TCF7: variants seen among roughly 807,000 people sequenced by gnomAD.
TCF7 encodes the protein transcription factor 7.
TCF7 carries 19 observed loss-of-function variants against 46.8 expected under a neutral mutation model. That is an observed-to-expected ratio of 0.41 (90% CI 0.28 to 0.60). The LOEUF (loss-of-function observed/expected upper bound fraction) is 0.60. Ranked by LOEUF, TCF7 falls within the 20% of genes least tolerant of loss-of-function variation. The pLI is 0.35. For missense variants in TCF7, 547 were observed against 504.6 expected (o/e 1.08, Z -0.81); for synonymous variants, 245 against 213.4 (o/e 1.15, Z -1.29).
intron 8 of TCF7, 161 bp downstream of exon 8, chr5:134,143,261 G>A: frequency 1.3e-6 from 1 of 784,498 alleles, no homozygotes; most frequent in Non-Finnish European, 2.2e-6. Flanking sequence ...CTCAGAAGAG[G>A]ACAAGCCCAC....
chr5:134,116,075 C>T (rs1309346555), intron 3 of TCF7, 42 bp downstream of exon 3: 5 of 1,580,502 alleles, frequency 3.2e-6, no homozygotes, highest in Non-Finnish European at 4.3e-6. Context: ...TGCTTGCAGC[C>T]TCCTTGACCA....
At chr5:134,118,817 T>A (rs1561651420) in intron 3 of TCF7, among the ~76,000 whole-genome samples, 1 of 152,214 alleles carries the variant, frequency 6.6e-6, no homozygotes, top group Admixed American at 6.5e-5. Context: ...GGTCTCACTC[T>A]GTTGCCCAGG....
At chr5:134,129,289 T>TC (rs1757784971) in intron 3 of TCF7, among the ~76,000 whole-genome samples, 3 of 152,178 alleles carry the variant, frequency 2.0e-5, no homozygotes, top group Admixed American at 2.0e-4. Flanking sequence ...CCTGGTATTT[T>TC]CCTGCCTTTT....
At chr5:134,133,303 G>A (rs1165271970) in intron 3 of TCF7, among the ~76,000 whole-genome samples, 11 of 152,230 alleles carry the variant, frequency 7.2e-5, no homozygotes, top group Admixed American at 5.2e-4. Context: ...GCCCTCAGAG[G>A]ATGAGGGCAA....
chr5:134,145,778 A>G (rs1324605409), intron 9 of TCF7: 2 of 1,613,960 alleles, frequency 1.2e-6, no homozygotes, highest in Non-Finnish European at 1.7e-6. Flanking sequence ...ATGGTAATGG[A>G]CAAGAGTCAC....
Position 134,115,439 on chromosome 5 carries a change from C to T in TCF7, c.316+52C>T, listed in dbSNP as rs768106929. On this transcript the variant is annotated intron_variant, in intron 2 of 9. Coordinates refer to ENST00000342854, the MANE Select transcript of TCF7 (RefSeq NM_003202.5). Reference sequence around the variant, plus strand: ...CTTCGTCGCGCTCAGGCCCTGGCCTCGGTGGGACGGGGACGCCAAGGACCG... The same window carrying T: ...CTTCGTCGCGCTCAGGCCCTGGCCTTGGTGGGACGGGGACGCCAAGGACCG... 2.6e-5 allele frequency: 41 copies of T among 1,551,604 alleles called. No individual in the cohort carries two copies. In the South Asian group the frequency reaches 4.0e-4, roughly 15 times the overall value.
chr5:134,114,935 G>C lies in TCF7; in HGVS notation c.29G>C (p.Gly10Ala). 2 of 1,092,218 alleles carry C rather than the reference G, an allele frequency of 1.8e-6. No individual in the cohort carries two copies. Among genetic ancestry groups the C allele is most frequent in the Non-Finnish European group, 2.3e-6 (2 of 888,254 alleles). 67.7% of individuals were successfully genotyped at this position (1,092,218 alleles called of 1,614,324 possible). A position where few individuals can be genotyped will look rare whatever the true frequency, so the allele number is the denominator to read the frequency against. ...CCGCAGCTGGACTCCGGCGGGGGCG[G>C]CGCGGGCGGCGGCGACGACCTCGGC... MPQLDSGGG[G>A]AGGGDDLGAP... is the part of the protein sequence containing the mutation. Residue 10 changes from glycine (G) to alanine (A), a missense_variant, in exon 1 of 10, where the codon GGC becomes GCC. Physicochemically the swap from Gly to Ala is moderately conservative, Grantham distance 60. Transcript: ENST00000342854.
chr5:134,109,106 C>G, the TCF7 span, among the ~76,000 whole-genome samples: 1 of 143,346 alleles, frequency 7.0e-6, no homozygotes, highest in Non-Finnish European at 1.5e-5. Context: ...TTCCTGGATT[C>G]TAAGTGATCA....
Position 134,146,215 on chromosome 5 carries a change from T to C in TCF7, c.1076-9T>C. On this transcript the variant is annotated splice_polypyrimidine_tract_variant and intron_variant, in intron 9 of 9. Coordinates refer to ENST00000342854, the MANE Select transcript of TCF7 (RefSeq NM_003202.5). ...TCTGTTTACAGATAACTCTCTTCAC[T>C]ATTCCTAGGAGGAAAAAGAAATGCA... 6.2e-7 allele frequency: 1 copy of C among 1,614,194 alleles called. No homozygotes were observed.
At chr5:134,124,804 G>C (rs905127605) in intron 3 of TCF7, among the ~76,000 whole-genome samples, 1 of 152,222 alleles carries the variant, frequency 6.6e-6, no homozygotes, top group Non-Finnish European at 1.5e-5. Flanking sequence ...CGTGGCCCCA[G>C]GGAACAGTGG....
rs778668600 is a variant in TCF7 at position 134,146,569 on chromosome 5, G to T, written c.*266G>T. On this transcript the variant is annotated 3_prime_UTR_variant, in exon 10 of 10. Transcript: ENST00000342854. ...CTCCAGGAGCCTACCCCCTGAAAGT[G>T]ACAGAGACCCAGATCTCATGGAAAC... 15 of 707,070 alleles carry T rather than the reference G, an allele frequency of 2.1e-5. No individual in the cohort carries two copies. Among genetic ancestry groups the T allele is most frequent in the Non-Finnish European group, 3.4e-5 (13 of 382,526 alleles). The allele number at this position is 707,070 out of a possible 1,614,324, so 43.8% of individuals were successfully genotyped here. A position where few individuals can be genotyped will look rare whatever the true frequency, so the allele number is the denominator to read the frequency against.
chr5:134,122,979 TG>T (rs764305497), intron 3 of TCF7, among the ~76,000 whole-genome samples: 13 of 152,206 alleles, frequency 8.5e-5, no homozygotes, highest in Non-Finnish European at 1.2e-4. Context: ...ATTCTTTGGC[TG>T]GGTGGCCCTG....
rs1007642113 is a variant in TCF7, at chr5:134,115,690, G to T, written c.317-219G>T. 18 of 1,429,978 alleles carry T rather than the reference G, an allele frequency of 1.3e-5. No individual in the cohort carries two copies. In the South Asian group the frequency reaches 2.7e-4, roughly 21 times the overall value. 88.6% of individuals were successfully genotyped at this position (1,429,978 alleles called of 1,614,324 possible). On this transcript the variant is annotated intron_variant, in intron 2 of 9. Coordinates refer to ENST00000342854, the MANE Select transcript of TCF7 (RefSeq NM_003202.5). ...ATTGGCCAAGGTTTCTTGGTTGGAG[G>T]GCGGGGGGTGGGAGGTCAAGTAGGG...
chr5:134,122,465 A>G (rs1189782894), intron 3 of TCF7, among the ~76,000 whole-genome samples: 1 of 152,128 alleles, frequency 6.6e-6, no homozygotes, highest in African/African-American at 2.4e-5. Context: ...AGCTACTCTG[A>G]GACTCAAGTG....
chr5:134,144,605 T>TA (rs1760396498), intron 9 of TCF7: 3 of 583,616 alleles, frequency 5.1e-6, no homozygotes, highest in Non-Finnish European at 9.3e-6. Flanking sequence ...CCTTTCCTGA[T>TA]ATCTTGGCTC....
At chr5:134,130,729 C>CT (rs1758001077) in intron 3 of TCF7, among the ~76,000 whole-genome samples, 1 of 152,174 alleles carries the variant, frequency 6.6e-6, no homozygotes. Flanking sequence ...TCCCACCTTC[C>CT]TAACCTGTAT....
At chr5:134,142,575 C>A in intron 6 of TCF7, 146 bp from the exon 7 acceptor site, 2 of 1,121,210 alleles carry the variant, frequency 1.8e-6, no homozygotes, top group Non-Finnish European at 2.5e-6. Flanking sequence ...GTCTGCTCAC[C>A]CATTTGGGGG....
intron 3 of TCF7, among the ~76,000 whole-genome samples, chr5:134,136,842 AC>A (rs1236793778): frequency 6.6e-6 from 1 of 152,172 alleles, no homozygotes; most frequent in Non-Finnish European, 1.5e-5. Flanking sequence ...GCCCCTCATT[AC>A]TGACTTGCTC....
chr5:134,123,700 C>T (rs767500899), intron 3 of TCF7: 9 of 456,062 alleles, frequency 2.0e-5, no homozygotes, highest in African/African-American at 1.2e-4. Flanking sequence ...GCTGGGGCAG[C>T]GCTGGTTCCA....
Sources: gnomAD v4.1 joint callset for allele counts (sites outside exome capture counted in the v4.1 genomes callset) on GRCh38, gnomAD v4.1.1 for gene constraint, MANE v1.5 for transcripts, NCBI Gene and HGNC (gene_info 2026-07-23, HGNC 2026-07-21) for gene names.